SHISA9: variants seen among roughly 807,000 people sequenced by gnomAD.
SHISA9 encodes the protein protein shisa-9.
In SHISA9, 13 loss-of-function variants were observed where a neutral mutation model predicts 38.0. The observed-to-expected ratio is 0.34, with a 90% CI of 0.22 to 0.54. The LOEUF is 0.54. Ranked by LOEUF, SHISA9 falls within the 20% of genes least tolerant of loss-of-function variation. The pLI is 0.91. For missense variants in SHISA9, 538 were observed against 575.8 expected (o/e 0.93, Z 0.67); for synonymous variants, 275 against 242.0 (o/e 1.14, Z -1.27).
the SHISA9 span, among the ~76,000 whole-genome samples, chr16:13,347,529 CG>C: frequency 2.0e-5 from 3 of 152,074 alleles, no homozygotes; most frequent in African/African-American, 7.2e-5. Flanking sequence ...TTGTTTAGAG[CG>C]GGTGCAAAAG....
intron 2 of SHISA9, among the ~76,000 whole-genome samples, chr16:13,015,141 C>G (rs1364305703): frequency 6.6e-6 from 1 of 152,214 alleles, no homozygotes; most frequent in Admixed American, 6.5e-5. Flanking sequence ...GCCTATGGGC[C>G]AAATCTGGCC....
chr16:13,293,515 A>G, the SHISA9 span, among the ~76,000 whole-genome samples: 1 of 152,200 alleles, frequency 6.6e-6, no homozygotes, highest in Non-Finnish European at 1.5e-5. Flanking sequence ...CCTAACTTGT[A>G]AAATGGAGGA....
At chr16:13,127,377 AGAGG>A (rs1247387006) in intron 2 of SHISA9, among the ~76,000 whole-genome samples, 1 of 136,554 alleles carries the variant, frequency 7.3e-6, no homozygotes, top group African/African-American at 2.7e-5. Context: ...GAGAGAAAAG[AGAGG>A]GAGGGAGAGA....
At chr16:13,035,471 G>C (rs2073044720) in intron 2 of SHISA9, among the ~76,000 whole-genome samples, 1 of 152,072 alleles carries the variant, frequency 6.6e-6, no homozygotes, top group South Asian at 2.1e-4. Context: ...CAGAGTAAAG[G>C]GGACTTTCTT....
chr16:13,513,988 GTAAAA>G, the SHISA9 span, among the ~76,000 whole-genome samples: 714 of 145,926 alleles, frequency 4.9e-3, 4 homozygotes, highest in Middle Eastern at 6.9e-3. Flanking sequence ...AGAATGTAAA[GTAAAA>G]TAAAATAAAA....
chr16:13,546,423 G>A, the SHISA9 span, among the ~76,000 whole-genome samples: 1 of 152,150 alleles, frequency 6.6e-6, no homozygotes. Flanking sequence ...AATTCCCTCA[G>A]CTTGTGTTTG....
chr16:13,524,130 C>G, the SHISA9 span, among the ~76,000 whole-genome samples: 1 of 152,086 alleles, frequency 6.6e-6, no homozygotes, highest in Non-Finnish European at 1.5e-5. Context: ...TAACAGGGAC[C>G]TGGTTATGCA....
At chr16:13,208,744 C>T (rs1388605726) in intron 3 of SHISA9, among the ~76,000 whole-genome samples, 1 of 152,194 alleles carries the variant, frequency 6.6e-6, no homozygotes, top group Non-Finnish European at 1.5e-5. Context: ...TTCAGTTGTT[C>T]ATTCATTCTC....
chr16:12,926,583 C>T (rs111577005), intron 2 of SHISA9, among the ~76,000 whole-genome samples: 19 of 152,082 alleles, frequency 1.2e-4, no homozygotes, highest in African/African-American at 3.4e-4. Flanking sequence ...AAAGTAATCA[C>T]GTAATTGCAA....
the SHISA9 span, among the ~76,000 whole-genome samples, chr16:13,425,865 C>A: frequency 6.6e-6 from 1 of 152,096 alleles, no homozygotes; most frequent in Non-Finnish European, 1.5e-5. Flanking sequence ...ACAGGAAGAC[C>A]CCAGAGTAAC....
intron 2 of SHISA9, among the ~76,000 whole-genome samples, chr16:12,952,585 G>T (rs1243698847): frequency 6.6e-6 from 1 of 152,212 alleles, no homozygotes; most frequent in Admixed American, 6.5e-5. Context: ...GAGGGACCTG[G>T]TGGGAGGTGA....
At chr16:13,334,279 AT>A in the SHISA9 span, among the ~76,000 whole-genome samples, 1 of 152,222 alleles carries the variant, frequency 6.6e-6, no homozygotes. Context: ...ATTGGTGCAG[AT>A]GTCTGGAGTT....
chr16:13,447,627 A>G, the SHISA9 span, among the ~76,000 whole-genome samples: 2 of 152,338 alleles, frequency 1.3e-5, no homozygotes, highest in Admixed American at 1.3e-4. Context: ...GGAAGTTGGA[A>G]TCATTTTCTT....
the SHISA9 span, among the ~76,000 whole-genome samples, chr16:13,400,624 T>C: frequency 6.6e-6 from 1 of 152,200 alleles, no homozygotes; most frequent in Admixed American, 6.5e-5. Context: ...AGGAAGACAG[T>C]TGCTGCCAGG....
chr16:13,277,637 C>T, the SHISA9 span, among the ~76,000 whole-genome samples: 1 of 151,606 alleles, frequency 6.6e-6, no homozygotes, highest in Admixed American at 6.6e-5. Context: ...TTTCGGACTC[C>T]TTGTTTAGGT....
At chr16:13,357,136 A>G in the SHISA9 span, among the ~76,000 whole-genome samples, 1 of 151,248 alleles carries the variant, frequency 6.6e-6, no homozygotes, top group East Asian at 2.0e-4. Flanking sequence ...GGGTTGGGGC[A>G]CGGAAATAAG....
intron 2 of SHISA9, among the ~76,000 whole-genome samples, chr16:13,146,233 T>A: frequency 6.6e-6 from 1 of 152,202 alleles, no homozygotes; most frequent in East Asian, 1.9e-4. Flanking sequence ...TTATTTGAAT[T>A]GAGAAGATGC....
At chr16:13,517,959 C>G in the SHISA9 span, among the ~76,000 whole-genome samples, 2 of 152,206 alleles carry the variant, frequency 1.3e-5, no homozygotes, top group East Asian at 1.9e-4. Flanking sequence ...AGAATCCCTG[C>G]TCTTCTGGTC....
chr16:13,525,967 A>G, the SHISA9 span, among the ~76,000 whole-genome samples: 2 of 152,208 alleles, frequency 1.3e-5, no homozygotes, highest in Non-Finnish European at 2.9e-5. Flanking sequence ...CATGGTGTAA[A>G]CCAGTGCAGC....
Sources: allele counts gnomAD v4.1 joint callset (sites outside exome capture counted in the v4.1 genomes callset), GRCh38; gene constraint gnomAD v4.1.1; transcripts MANE v1.5; gene names NCBI Gene and HGNC (gene_info 2026-07-23, HGNC 2026-07-21).